SLC2A13: variants seen among roughly 807,000 people sequenced by gnomAD.
SLC2A13 encodes the protein solute carrier family 2 member 13.
A neutral mutation model predicts 64.4 loss-of-function variants in SLC2A13; 32 were observed. The ratio of observed to expected loss-of-function variants is 0.50; its 90% CI spans 0.37 to 0.67. The LOEUF is 0.67. Ranked by LOEUF, SLC2A13 falls within the 30% of genes least tolerant of loss-of-function variation. SLC2A13 has a pLI of 0.00. For missense variants in SLC2A13, 743 were observed against 829.2 expected, an observed-to-expected ratio of 0.90 and a Z score of 1.28; for synonymous variants, 338 against 327.1, an observed-to-expected ratio of 1.03 and a Z score of -0.36.
intron 4 of SLC2A13, among the ~76,000 whole-genome samples, chr12:39,912,009 C>A (rs1027456716): frequency 5.9e-5 from 9 of 151,954 alleles, no homozygotes; most frequent in Admixed American, 2.6e-4. Context: ...CTTCTGACTC[C>A]CATGAGGGCT....
chr12:39,999,321 T>G (rs887261789), intron 3 of SLC2A13, among the ~76,000 whole-genome samples: 1 of 152,162 alleles, frequency 6.6e-6, no homozygotes. Context: ...AAGAGCCATA[T>G]TTTTCTTCTT....
intron 3 of SLC2A13, among the ~76,000 whole-genome samples, chr12:39,991,573 G>A (rs1947139006): frequency 6.6e-6 from 1 of 152,180 alleles, no homozygotes; most frequent in South Asian, 2.1e-4. Flanking sequence ...GGGATGTGAG[G>A]AAGACCCCTC....
chr12:39,779,245 G>GGATATGAGTTATCCATAAA lies in SLC2A13; in HGVS notation c.1446-14388_1446-14387insTTTATGGATAACTCATATC, dbSNP rs1238005434. 2.0e-5 allele frequency among the ~76,000 whole-genome samples: 3 copies of GGATATGAGTTATCCATAAA among 152,190 alleles called. No individual in the cohort carries two copies. The East Asian group carries it at 5.8e-4, about 29-fold the overall frequency. On this transcript the variant is annotated intron_variant, in intron 7 of 9. Transcript: ENST00000280871. ...ACCTCATTTGAGTTATCCATAAAAT[G>GGATATGAGTTATCCATAAA]AGTATGTTGGATGCAGCATTCTCAA...
intron 4 of SLC2A13, among the ~76,000 whole-genome samples, chr12:39,892,001 T>TTCATACATAATTTA: frequency 6.6e-6 from 1 of 152,344 alleles, no homozygotes; most frequent in South Asian, 2.1e-4. Flanking sequence ...TAATCAAGTC[T>TTCATACATAATTTA]ATTAATTCAT....
At chr12:39,863,930 C>G (rs539237023) in intron 6 of SLC2A13, among the ~76,000 whole-genome samples, 2 of 152,142 alleles carry the variant, frequency 1.3e-5, no homozygotes, top group African/African-American at 4.8e-5. Flanking sequence ...ATCATTTACT[C>G]ATTGATTTGA....
intron 7 of SLC2A13, among the ~76,000 whole-genome samples, chr12:39,781,185 C>A (rs1384366994): frequency 6.6e-6 from 1 of 152,184 alleles, no homozygotes; most frequent in Non-Finnish European, 1.5e-5. Flanking sequence ...CTGAGAAAAT[C>A]TATCTCAATC....
At chr12:39,936,264 T>A (rs769968433) in intron 4 of SLC2A13, among the ~76,000 whole-genome samples, 7 of 152,200 alleles carry the variant, frequency 4.6e-5, no homozygotes, top group Non-Finnish European at 5.9e-5. Context: ...GATCTTTTTC[T>A]CTTTGGGAAT....
intron 4 of SLC2A13, among the ~76,000 whole-genome samples, chr12:39,926,756 C>T (rs1945737287): frequency 6.6e-6 from 1 of 152,150 alleles, no homozygotes; most frequent in South Asian, 2.1e-4. Flanking sequence ...GCTGAGATTA[C>T]AGGCATGAGC....
chr12:40,025,828 T>C (rs1947794892), intron 3 of SLC2A13, among the ~76,000 whole-genome samples: 1 of 152,214 alleles, frequency 6.6e-6, no homozygotes, highest in African/African-American at 2.4e-5. Context: ...GCCAGTGCAT[T>C]TTTATTACTT....
At chr12:40,098,283 A>G (rs1182514440) in intron 1 of SLC2A13, among the ~76,000 whole-genome samples, 1 of 152,196 alleles carries the variant, frequency 6.6e-6, no homozygotes, top group Non-Finnish European at 1.5e-5. Context: ...AAGTATCCAA[A>G]GCAGTAAAAA....
intron 3 of SLC2A13, among the ~76,000 whole-genome samples, chr12:40,007,528 A>T (rs1947445830): frequency 6.6e-6 from 1 of 152,208 alleles, no homozygotes; most frequent in Non-Finnish European, 1.5e-5. Flanking sequence ...TTACTATTTT[A>T]AAATTAAGCA....
chr12:40,073,144 T>C (rs1938028153), intron 1 of SLC2A13, among the ~76,000 whole-genome samples: 6 of 152,038 alleles, frequency 3.9e-5, no homozygotes, highest in Admixed American at 2.6e-4. Flanking sequence ...AATAGCAAAA[T>C]AATGCTAATT....
chr12:39,812,769 G>T (rs543256122), intron 7 of SLC2A13, among the ~76,000 whole-genome samples: 6 of 151,106 alleles, frequency 4.0e-5, no homozygotes, highest in Admixed American at 6.6e-5. Context: ...ATTGCACCTG[G>T]CGGTTTCTAA....
chr12:39,896,305 T>C (rs183657780), intron 4 of SLC2A13, among the ~76,000 whole-genome samples: 7 of 141,826 alleles, frequency 4.9e-5, no homozygotes, highest in Non-Finnish European at 1.1e-4. Flanking sequence ...TGTATATATG[T>C]ATACATATAT....
chr12:40,021,085 C>T (rs1947707742), intron 3 of SLC2A13, among the ~76,000 whole-genome samples: 1 of 151,996 alleles, frequency 6.6e-6, no homozygotes, highest in African/African-American at 2.4e-5. Context: ...AGCAAGAAAA[C>T]AAAAATATAA....
intron 1 of SLC2A13, among the ~76,000 whole-genome samples, chr12:40,075,653 A>G (rs868341412): frequency 6.6e-6 from 1 of 152,216 alleles, no homozygotes; most frequent in Middle Eastern, 3.4e-3. Context: ...CCAAGTTTGG[A>G]GAGTTTTCAG....
At position 39,895,549 on chromosome 12, in the gene SLC2A13, TATACAC is replaced by T. The variant is rs1383558925; in HGVS notation, c.1035-23594_1035-23589del. Among the ~76,000 whole-genome samples the T allele has an allele frequency of 8.7e-4, 63 of 72,544 alleles. 2 individuals carry two copies. Among genetic ancestry groups the T allele is most frequent in the Non-Finnish European group, 1.4e-3 (54 of 38,822 alleles). 47.6% of individuals were successfully genotyped at this position (72,544 alleles called of 152,430 possible). ...ATATATATATATATATATATATATA[TATACAC>T]ACACACACACACGTGTATATGTATA... On this transcript the variant is annotated intron_variant, in intron 4 of 9. Transcript: ENST00000280871.
chr12:39,910,048 A>G (rs1945392236), intron 4 of SLC2A13, among the ~76,000 whole-genome samples: 2 of 152,068 alleles, frequency 1.3e-5, no homozygotes, highest in Admixed American at 1.3e-4. Context: ...TAGATACATT[A>G]GTGTTATTTG....
intron 3 of SLC2A13, among the ~76,000 whole-genome samples, chr12:39,954,686 G>A (rs1565559951): frequency 6.6e-6 from 1 of 152,034 alleles, no homozygotes; most frequent in Non-Finnish European, 1.5e-5. Context: ...AATGGTATCC[G>A]AGAACAAAAC....
Sources: allele counts gnomAD v4.1 joint callset (sites outside exome capture counted in the v4.1 genomes callset), GRCh38; gene constraint gnomAD v4.1.1; transcripts MANE v1.5; gene names NCBI Gene and HGNC (gene_info 2026-07-23, HGNC 2026-07-21).